The following CELSR1 variants were observed in gnomAD, a reference collection of about 807,000 sequenced individuals.
The protein encoded by CELSR1 is cadherin EGF LAG seven-pass G-type receptor 1, also known as adhesion G protein-coupled receptor C1.
CELSR1 carries 110 observed loss-of-function variants against 249.1 expected under a neutral mutation model. That is an observed-to-expected ratio of 0.44 (90% CI 0.38 to 0.52). The LOEUF (loss-of-function observed/expected upper bound fraction) is 0.52. Ranked by LOEUF, CELSR1 falls within the 20% of genes least tolerant of loss-of-function variation. The pLI is 0.00. For missense variants in CELSR1, 4,109 were observed against 4,296.4 expected (o/e 0.96, Z 1.22); for synonymous variants, 2,113 against 1,900.0 (o/e 1.11, Z -2.92).
intron 1 of CELSR1, among the ~76,000 whole-genome samples, chr22:46,507,758 G>A (rs1378224012): frequency 6.6e-6 from 1 of 152,080 alleles, no homozygotes. Flanking sequence ...AGCCTGTTCA[G>A]TGGGGCAGGG....
At chr22:46,460,155 GAC>G (rs757874414) in intron 2 of CELSR1, among the ~76,000 whole-genome samples, 2 of 151,056 alleles carry the variant, frequency 1.3e-5, no homozygotes, top group Non-Finnish European at 2.9e-5. Flanking sequence ...CAGCCTGGGT[GAC>G]ACAGTGAGAC....
chr22:46,369,639 C>A (rs1464446514), intron 26 of CELSR1, 53 bp downstream of exon 26: 1 of 1,541,850 alleles, frequency 6.5e-7, no homozygotes, highest in Non-Finnish European at 8.9e-7. Flanking sequence ...AACAGCCCTT[C>A]CAGCTCATGC....
In CELSR1 at chr22:46,518,876, T is replaced by C. The variant is rs1339775305; in HGVS notation, c.3544+14751A>G. On this transcript the variant is annotated intron_variant, in intron 1 of 34. Transcript: ENST00000674500. This position sits in a 1 kb window ranked among gnomAD's most constrained non-coding sequence, Gnocchi z 5.2. ...GGAGAAATCCCGTCTCTACTAAAAATACAAAAATTAGCTGGACGTGGTGGC... is the reference window on the plus strand; with the variant it reads ...GGAGAAATCCCGTCTCTACTAAAAACACAAAAATTAGCTGGACGTGGTGGC... Among the ~76,000 whole-genome samples, 1 of 151,886 alleles carries C rather than the reference T, an allele frequency of 6.6e-6. No homozygotes were observed.
At chr22:46,496,822 G>A (rs1006235336) in intron 1 of CELSR1, among the ~76,000 whole-genome samples, 3 of 151,810 alleles carry the variant, frequency 2.0e-5, no homozygotes, top group African/African-American at 7.3e-5. Context: ...AAAACCTGAA[G>A]GGCCAGACTG....
At chr22:46,529,818 A>G (rs4823847) in intron 1 of CELSR1, among the ~76,000 whole-genome samples, 102,777 of 151,514 alleles carry the variant, frequency 0.68, 36,206 homozygotes, top group African/African-American at 0.88. Flanking sequence ...AAAAAAAAGA[A>G]TAAGACCTAG....
Position 46,417,668 on chromosome 22 carries a change from T to TC in CELSR1, c.4612-5910dup, listed in dbSNP as rs1350546942. Among the ~76,000 whole-genome samples, 6 of 152,080 alleles carry TC rather than the reference T, an allele frequency of 3.9e-5. No individual in the cohort carries two copies. The highest frequency in any genetic ancestry group is 1.3e-4 in the Admixed American group (2 of 15,270). ...GCTGAGGGGGACAGGTGCTCCTGAA[T>TC]CCCTCACCTGCCAGGGACCTGGGGC... On this transcript the variant is annotated intron_variant, in intron 5 of 34. Coordinates refer to ENST00000674500, the MANE Select transcript of CELSR1 (RefSeq NM_001378328.1). The surrounding 1 kb of genome is among the most constrained non-coding windows in gnomAD (Gnocchi z 4.1).
At position 46,396,362 on chromosome 22, in the gene CELSR1, C is replaced by T. The variant is rs182526247; in HGVS notation, c.5843+243G>A. Among the ~76,000 whole-genome samples the T allele has an allele frequency of 3.9e-5, 6 of 152,106 alleles. No individual in the cohort carries two copies. Among genetic ancestry groups the T allele is most frequent in the Admixed American group, 2.6e-4 (4 of 15,270 alleles). ...GGCAGAGGTTGCAAGGAGCCAAGAT[C>T]GCGCCATTGCACTCCAGCCTGGGTG... On this transcript the variant is annotated intron_variant, in intron 13 of 34. Coordinates refer to ENST00000674500, the MANE Select transcript of CELSR1 (RefSeq NM_001378328.1). The surrounding 1 kb of genome is among the most constrained non-coding windows in gnomAD (Gnocchi z 6.4).
chr22:46,489,585 A>AG (rs1480221169), intron 1 of CELSR1, among the ~76,000 whole-genome samples: 1 of 151,996 alleles, frequency 6.6e-6, no homozygotes, highest in East Asian at 1.9e-4. Flanking sequence ...CTCTCATACC[A>AG]GCTCCTGGGG....
rs574850666 is a variant in CELSR1 at position 46,399,176 on chromosome 22, C to A, written c.5413-539G>T. Among the ~76,000 whole-genome samples the A allele has an allele frequency of 6.6e-6, 1 of 152,282 alleles. No individual in the cohort carries two copies. The highest frequency in any genetic ancestry group is 6.5e-5 in the Admixed American group (1 of 15,300). ...TGTGTGGGCATTTCACAGACAACAT[C>A]TTGGGTTACCTGCCTGCAAACTGTG... On this transcript the variant is annotated intron_variant, in intron 10 of 34. Coordinates refer to ENST00000674500, the MANE Select transcript of CELSR1 (RefSeq NM_001378328.1). This position sits in a 1 kb window ranked among gnomAD's most constrained non-coding sequence, Gnocchi z 5.0.
In CELSR1 at chr22:46,381,856, G is replaced by A. The variant is rs760047886; in HGVS notation, c.7078C>T (p.Arg2360Cys). 1.8e-5 allele frequency: 28 copies of A among 1,557,606 alleles called. 1 individual carries two copies. The highest frequency in any genetic ancestry group is 5.7e-5 in the Admixed American group (3 of 52,938). Residue 2360 changes from arginine (R) to cysteine (C), a missense_variant, in exon 21 of 35, where the codon CGC becomes TGC. By Grantham distance (180) the Arg-to-Cys change is radical. Around this residue, in one of 7 missense-constraint regions of CELSR1, gnomAD observed 1,805 missense variants for 1,831.6 expected, o/e 0.99. Transcript: ENST00000674500. The surrounding 1 kb of genome is among the most constrained non-coding windows in gnomAD (Gnocchi z 6.0). ...GTGCCCAGGCCTTACCGGAGGCTGCGACGGTCGGGGTCGTAGCGCTCGGGC... is the reference window on the plus strand; with the variant it reads ...GTGCCCAGGCCTTACCGGAGGCTGCAACGGTCGGGGTCGTAGCGCTCGGGC... The part of the protein sequence containing the change: ...LLPERYDPDR[R>C]SLRLPHRPII...
rs933738245 is a variant in CELSR1 at position 46,527,108 on chromosome 22, C to T, written c.3544+6519G>A. ...GGAGCCCTGTCCTTGGTTTGCTCAT[C>T]TCTAGGATGGAGGTGGCGACGGTAC... On this transcript the variant is annotated intron_variant, in intron 1 of 34. Coordinates refer to ENST00000674500, the MANE Select transcript of CELSR1 (RefSeq NM_001378328.1). The surrounding 1 kb of genome is among the most constrained non-coding windows in gnomAD (Gnocchi z 5.5). Among the ~76,000 whole-genome samples, 1 of 152,210 alleles carries T rather than the reference C, an allele frequency of 6.6e-6. No homozygotes were observed. The highest frequency in any genetic ancestry group is 2.4e-5 in the African/African-American group (1 of 41,438).
intron 5 of CELSR1, among the ~76,000 whole-genome samples, chr22:46,414,413 G>C (rs2079373460): frequency 6.6e-6 from 1 of 152,274 alleles, no homozygotes; most frequent in South Asian, 2.1e-4. Flanking sequence ...CTGCTGCTCG[G>C]AGGAGAAATC....
At chr22:46,475,607 C>T (rs371064570) in intron 1 of CELSR1, among the ~76,000 whole-genome samples, 2 of 148,818 alleles carry the variant, frequency 1.3e-5, no homozygotes, top group East Asian at 4.0e-4. Context: ...TTAAAAATGG[C>T]CAAGATGGTT....
chr22:46,489,920 C>T (rs2080351563), intron 1 of CELSR1, among the ~76,000 whole-genome samples: 1 of 151,460 alleles, frequency 6.6e-6, no homozygotes, highest in Non-Finnish European at 1.5e-5. Flanking sequence ...ATCCTTCCTG[C>T]ACTCTGTGGC....
intron 5 of CELSR1, among the ~76,000 whole-genome samples, chr22:46,432,738 C>T (rs2079610033): frequency 1.3e-5 from 2 of 152,298 alleles, no homozygotes; most frequent in South Asian, 2.1e-4. Flanking sequence ...GCTACAGAGC[C>T]GTGTATGAAC....
At chr22:46,521,177 C>T (rs1018886862) in intron 1 of CELSR1, among the ~76,000 whole-genome samples, 1 of 152,154 alleles carries the variant, frequency 6.6e-6, no homozygotes, top group Non-Finnish European at 1.5e-5. Flanking sequence ...AATAACACTG[C>T]TATGAACATG....
chr22:46,530,729 A>G (rs1205961145), intron 1 of CELSR1, among the ~76,000 whole-genome samples: 1 of 152,176 alleles, frequency 6.6e-6, no homozygotes, highest in African/African-American at 2.4e-5. Flanking sequence ...ATCTAGTCAC[A>G]GTCACAGTGT....
At position 46,488,329 on chromosome 22, in the gene CELSR1, G is replaced by A. The variant is rs531703257; in HGVS notation, c.3545-23984C>T. On this transcript the variant is annotated intron_variant, in intron 1 of 34. Transcript: ENST00000674500. The surrounding 1 kb of genome is among the most constrained non-coding windows in gnomAD (Gnocchi z 4.7). ...CTGGGGACAGGGGGATGGTCTTGGG[G>A]GATGAGAGTCCCACTAAGGAGCTGA... is the stretch of plus-strand genomic sequence containing the variant. Among the ~76,000 whole-genome samples the A allele has an allele frequency of 6.6e-6, 1 of 152,054 alleles. No individual in the cohort carries two copies. Among genetic ancestry groups the A allele is most frequent in the South Asian group, 2.1e-4 (1 of 4,830 alleles).
At chr22:46,382,371 G>A (rs957428750) in intron 20 of CELSR1, among the ~76,000 whole-genome samples, 5 of 152,048 alleles carry the variant, frequency 3.3e-5, no homozygotes, top group East Asian at 1.9e-4. Flanking sequence ...TCCGCCTCCC[G>A]GGTTCACGCC....
Sources: gnomAD v4.1 joint callset for allele counts (sites outside exome capture counted in the v4.1 genomes callset) on GRCh38, gnomAD v4.1.1 for gene constraint, gnomAD v4.1.1 regional missense constraint, Gnocchi (gnomAD v3.1) non-coding constraint, MANE v1.5 for transcripts, NCBI Gene and HGNC (gene_info 2026-07-23, HGNC 2026-07-21) for gene names.